Variants in SLC8A1 observed in about 807,000 individuals in gnomAD.
The protein encoded by SLC8A1 is solute carrier family 8 member A1, also known as sodium/calcium exchanger 1.
In SLC8A1, 18 loss-of-function variants were observed where a neutral mutation model predicts 68.3. The observed-to-expected ratio is 0.26, with a 90% CI of 0.18 to 0.39. The LOEUF is 0.39. SLC8A1 is among the 10% of genes least tolerant of loss of function. The pLI is 1.00. For missense variants in SLC8A1, 985 were observed against 1,156.7 expected, an observed-to-expected ratio of 0.85 and a Z score of 2.15; for synonymous variants, 475 against 415.5, an observed-to-expected ratio of 1.14 and a Z score of -1.74.
At chr2:40,330,583 G>A (rs1038628147) in intron 2 of SLC8A1, among the ~76,000 whole-genome samples, 2 of 151,688 alleles carry the variant, frequency 1.3e-5, no homozygotes, top group Non-Finnish European at 2.9e-5. Context: ...TTCCAAGCAG[G>A]GACACACACA....
chr2:40,276,096 T>C (rs371337612), intron 2 of SLC8A1, among the ~76,000 whole-genome samples: 2 of 152,352 alleles, frequency 1.3e-5, no homozygotes, highest in African/African-American at 4.8e-5. Context: ...ATTTTGCCAG[T>C]TTGATTGGCA....
exon 8 of SLC8A1, chr2:40,101,198 C>G (rs1309875546): frequency 2.0e-5 from 3 of 152,074 alleles, no homozygotes; most frequent in Non-Finnish European, 2.9e-5. Context: ...TAGAAAGGAG[C>G]CTCCAGGGAA....
chr2:40,394,248 G>A (rs770401756), intron 2 of SLC8A1, among the ~76,000 whole-genome samples: 25 of 152,074 alleles, frequency 1.6e-4, no homozygotes, highest in Non-Finnish European at 3.2e-4. Flanking sequence ...AACATGTTAC[G>A]CAAACACCTG....
intron 2 of SLC8A1, among the ~76,000 whole-genome samples, chr2:40,252,839 T>TTGG (rs1558963927): frequency 9.0e-5 from 13 of 144,678 alleles, no homozygotes; most frequent in Admixed American, 2.1e-4. Flanking sequence ...TACATGTGTA[T>TTGG]ACATATATGT....
intron 1 of SLC8A1, among the ~76,000 whole-genome samples, chr2:40,438,789 A>T (rs1471654269): frequency 6.6e-6 from 1 of 152,128 alleles, no homozygotes; most frequent in Non-Finnish European, 1.5e-5. Flanking sequence ...ACAGTTGAGG[A>T]ATCTCCAAAT....
At chr2:40,260,604 G>C (rs1048446055) in intron 2 of SLC8A1, among the ~76,000 whole-genome samples, 5 of 152,152 alleles carry the variant, frequency 3.3e-5, no homozygotes, top group African/African-American at 1.2e-4. Context: ...CACTGGAGGA[G>C]AGGTAATAGG....
At chr2:40,238,576 A>G (rs1467933470) in intron 2 of SLC8A1, among the ~76,000 whole-genome samples, 1 of 152,004 alleles carries the variant, frequency 6.6e-6, no homozygotes, top group Non-Finnish European at 1.5e-5. Flanking sequence ...TGCGTCGCTC[A>G]CGCTGGGAGC....
At chr2:40,308,027 TAAA>T (rs1465866531) in intron 2 of SLC8A1, among the ~76,000 whole-genome samples, 1 of 151,862 alleles carries the variant, frequency 6.6e-6, no homozygotes, top group South Asian at 2.1e-4. Context: ...TGGAATGAAA[TAAA>T]ATAATATAAA....
At chr2:40,405,793 G>A (rs58689744) in intron 2 of SLC8A1, among the ~76,000 whole-genome samples, 2,214 of 151,904 alleles carry the variant, frequency 0.015, 51 homozygotes, top group African/African-American at 0.049. Flanking sequence ...CTCCTATTCC[G>A]GGCAATCCAT....
intron 1 of SLC8A1, among the ~76,000 whole-genome samples, chr2:40,474,586 A>G (rs542651514): frequency 6.6e-6 from 1 of 152,334 alleles, no homozygotes; most frequent in South Asian, 2.1e-4. Flanking sequence ...AGTAGCTAAC[A>G]ATACTAAATT....
chr2:40,326,139 A>G (rs1440075984), intron 2 of SLC8A1, among the ~76,000 whole-genome samples: 1 of 152,172 alleles, frequency 6.6e-6, no homozygotes, highest in Non-Finnish European at 1.5e-5. Flanking sequence ...CCTAGGTAGC[A>G]AAACTATAGG....
intron 2 of SLC8A1, among the ~76,000 whole-genome samples, chr2:40,217,927 G>C (rs2057740473): frequency 1.0e-5 from 1 of 96,556 alleles, no homozygotes; most frequent in African/African-American, 3.5e-5. Context: ...AGACATTTCT[G>C]TATTCTGAGA....
chr2:40,495,632 C>A (rs1004160935), intron 1 of SLC8A1, among the ~76,000 whole-genome samples: 2 of 152,008 alleles, frequency 1.3e-5, no homozygotes, highest in African/African-American at 4.8e-5. Context: ...TTATCTTGCA[C>A]AACTGTTGAT....
intron 1 of SLC8A1, among the ~76,000 whole-genome samples, chr2:40,479,781 A>G (rs951325630): frequency 6.6e-6 from 1 of 152,180 alleles, no homozygotes; most frequent in African/African-American, 2.4e-5. Context: ...AAAAACAATT[A>G]AAAAACCATT....
chr2:40,178,616 T>C, intron 2 of SLC8A1, 123 bp from the exon 3 acceptor site: 3 of 779,632 alleles, frequency 3.8e-6, no homozygotes, highest in Non-Finnish European at 6.4e-6. Context: ...GAGAAACTTC[T>C]GTACTGTGAG....
intron 2 of SLC8A1, among the ~76,000 whole-genome samples, chr2:40,236,605 A>AAGTT (rs2060409733): frequency 6.6e-6 from 1 of 150,522 alleles, no homozygotes; most frequent in Middle Eastern, 3.5e-3. Context: ...TTTACATTTA[A>AAGTT]AGTTAATATT....
At chr2:40,287,582 A>ATGTGTGTGTGTGTGTG (rs10522914) in intron 2 of SLC8A1, among the ~76,000 whole-genome samples, 1,761 of 127,490 alleles carry the variant, frequency 0.014, 55 homozygotes, top group African/African-American at 0.031. Context: ...CAGAGGAATG[A>ATGTGTGTGTGTGTGTG]TGTGTGTGTG....
chr2:40,200,173 G>GAGATATATATATATATATATATAT (rs1553407546), intron 2 of SLC8A1, among the ~76,000 whole-genome samples: 2 of 4,754 alleles, frequency 4.2e-4, no homozygotes, highest in Non-Finnish European at 7.8e-4. Context: ...TCAAGTCATT[G>GAGATATATATATATATATATATAT]ATATATATAT....
At position 40,282,046 on chromosome 2, in the gene SLC8A1, G is replaced by C. The variant is rs146474316; in HGVS notation, c.1809-104191C>G. 2.1e-3 allele frequency among the ~76,000 whole-genome samples: 316 copies of C among 152,230 alleles called. 1 individual carries two copies. Among genetic ancestry groups the C allele is most frequent in the African/African-American group, 7.3e-3 (304 of 41,554 alleles). On this transcript the variant is annotated intron_variant, in intron 2 of 7. Transcript: ENST00000406785. ...CCTTCAGCACAGCTCCCCCACACAA[G>C]AGCGTACCTTTAATGACTGATGCTG...
Sources: gnomAD v4.1 joint callset for allele counts (sites outside exome capture counted in the v4.1 genomes callset) on GRCh38, gnomAD v4.1.1 for gene constraint, MANE v1.5 for transcripts, NCBI Gene and HGNC (gene_info 2026-07-23, HGNC 2026-07-21) for gene names.